MPDZ: variants seen among roughly 807,000 people sequenced by gnomAD.
MPDZ encodes multiple PDZ domain protein.
A neutral mutation model predicts 239.1 loss-of-function variants in MPDZ; 234 were observed. That is an observed-to-expected ratio of 0.98 (90% CI 0.88 to 1.09). MPDZ has a LOEUF of 1.09. Ranked by LOEUF, MPDZ falls within the 50% of genes least tolerant of loss-of-function variation. MPDZ has a pLI of 0.00. For synonymous variants in MPDZ, 1,048 were observed against 881.3 expected, an observed-to-expected ratio of 1.19 and a Z score of -3.35; for missense variants, 3,175 against 2,510.0, an observed-to-expected ratio of 1.26 and a Z score of -5.66.
chr9:13,173,161 T>C (rs1254664070), intron 21 of MPDZ, among the ~76,000 whole-genome samples: 1 of 152,158 alleles, frequency 6.6e-6, no homozygotes, highest in Non-Finnish European at 1.5e-5. Flanking sequence ...GCGTTTCAAT[T>C]GGGGAACCCA....
At chr9:13,264,977 G>A (rs1588204704) in intron 1 of MPDZ, among the ~76,000 whole-genome samples, 1 of 152,204 alleles carries the variant, frequency 6.6e-6, no homozygotes, top group Non-Finnish European at 1.5e-5. Flanking sequence ...CAAGATGCCA[G>A]GCATATTTCT....
At chr9:13,137,316 GCT>G (rs1946973462) in intron 29 of MPDZ, among the ~76,000 whole-genome samples, 1 of 152,110 alleles carries the variant, frequency 6.6e-6, no homozygotes, top group African/African-American at 2.4e-5. Context: ...CAAATGACTG[GCT>G]CAGTCATTTG....
chr9:13,157,291 G>A (rs1444114051), intron 24 of MPDZ, among the ~76,000 whole-genome samples: 1 of 152,112 alleles, frequency 6.6e-6, no homozygotes, highest in East Asian at 1.9e-4. Context: ...GAAATACCTT[G>A]TGTTCTTAAA....
At chr9:13,225,432 T>C (rs1191185752) in intron 3 of MPDZ, among the ~76,000 whole-genome samples, 2 of 151,894 alleles carry the variant, frequency 1.3e-5, no homozygotes, top group Non-Finnish European at 2.9e-5. Context: ...TAGCATACAG[T>C]ATATTGACTA....
rs1013731414 is a variant in MPDZ, at chr9:13,147,462, C to G, written c.3741+86G>C. On this transcript the variant is annotated intron_variant, in intron 26 of 46. Transcript: ENST00000319217. ...GATTTGAAAAATCACTATCTTTACT[C>G]ATACAGACAACTTGGCCCTTGATAC... The G allele has an allele frequency of 2.2e-5, 21 of 967,270 alleles. No homozygotes were observed. In the African/African-American group the frequency reaches 3.0e-4, roughly 14 times the overall value. 59.9% of individuals were successfully genotyped at this position (967,270 alleles called of 1,614,324 possible). A position where few individuals can be genotyped will look rare whatever the true frequency, so the allele number is the denominator to read the frequency against.
chr9:13,259,809 C>G (rs1970259869), intron 1 of MPDZ, among the ~76,000 whole-genome samples: 4 of 152,030 alleles, frequency 2.6e-5, no homozygotes, highest in Non-Finnish European at 5.9e-5. Context: ...GAGGGTCCTC[C>G]ATACTACTCT....
At chr9:13,207,246 T>C (rs1957107566) in intron 10 of MPDZ, among the ~76,000 whole-genome samples, 1 of 152,178 alleles carries the variant, frequency 6.6e-6, no homozygotes, top group South Asian at 2.1e-4. Context: ...CCCGGTGATC[T>C]TTCCAAAATA....
intron 1 of MPDZ, chr9:13,276,888 C>G (rs1974323319): frequency 6.6e-6 from 1 of 152,120 alleles, no homozygotes; most frequent in Non-Finnish European, 1.5e-5. Context: ...TTTTAAATCC[C>G]TTAATCTCAA....
Position 13,137,992 on chromosome 9 carries a change from C to A in MPDZ, c.4165G>T (p.Asp1389Tyr), listed in dbSNP as rs369300827. Reference sequence around the variant, plus strand: ...TCATCTGCAATTTGCAATCGACCATCTTTTCCTGCAGCTCCATTTGGATCA... The same window carrying A: ...TCATCTGCAATTTGCAATCGACCATATTTTCCTGCAGCTCCATTTGGATCA... ...GIDPNGAAGK[D>Y]GRLQIADELL... Residue 1389 changes from aspartate to tyrosine, a missense_variant, in exon 29 of 47, where the codon GAT (aspartate) becomes TAT (tyrosine). Transcript: ENST00000319217. The A allele has an allele frequency of 8.1e-6, 13 of 1,613,726 alleles. No individual in the cohort carries two copies. The highest frequency in any genetic ancestry group is 6.6e-5 in the South Asian group (6 of 91,088).
rs200504691 is a variant in MPDZ at position 13,241,599 on chromosome 9, TAAG to T, written c.183+6033_183+6035del. On this transcript the variant is annotated intron_variant, in intron 3 of 46. Transcript: ENST00000319217. Reference sequence around the variant, plus strand: ...GGTCATTTTTAGTTTGTTATTTATATAAGAAGAGAGGGAAACACAGGCACTTCT... The same window carrying T: ...GGTCATTTTTAGTTTGTTATTTATATAAGAGAGGGAAACACAGGCACTTCT... 5.5e-3 allele frequency among the ~76,000 whole-genome samples: 833 copies of T among 152,300 alleles called. 19 individuals carry two copies. Among genetic ancestry groups the T allele is most frequent in the East Asian group, 0.04 (207 of 5,174 alleles).
chr9:13,207,541 C>G (rs886816292), intron 10 of MPDZ, among the ~76,000 whole-genome samples: 1 of 152,224 alleles, frequency 6.6e-6, no homozygotes, highest in Non-Finnish European at 1.5e-5. Context: ...CATGCTCTTT[C>G]TCAATAGCTT....
At chr9:13,204,900 G>A in intron 12 of MPDZ, 136 bp downstream of exon 12, 3 of 467,144 alleles carry the variant, frequency 6.4e-6, no homozygotes, top group Non-Finnish European at 7.4e-6. Context: ...TATAAACAGG[G>A]ATTTACAAAC....
At chr9:13,149,561 AT>A (rs1025741102) in intron 25 of MPDZ, among the ~76,000 whole-genome samples, 2 of 152,078 alleles carry the variant, frequency 1.3e-5, no homozygotes, top group African/African-American at 4.8e-5. Flanking sequence ...GAAATAATTT[AT>A]CACACTGTTC....
At chr9:13,236,864 C>A (rs1964182357) in intron 3 of MPDZ, among the ~76,000 whole-genome samples, 1 of 150,218 alleles carries the variant, frequency 6.7e-6, no homozygotes, top group African/African-American at 2.5e-5. Flanking sequence ...TTTACCTCTC[C>A]CCTGAGTTTC....
chr9:13,137,417 G>C (rs112838119), intron 29 of MPDZ, among the ~76,000 whole-genome samples: 1 of 152,174 alleles, frequency 6.6e-6, no homozygotes, highest in Non-Finnish European at 1.5e-5. Context: ...ATAAAATCAT[G>C]TGGATCCCAG....
At chr9:13,270,581 A>T (rs910864123) in intron 1 of MPDZ, among the ~76,000 whole-genome samples, 2 of 151,992 alleles carry the variant, frequency 1.3e-5, no homozygotes, top group African/African-American at 4.8e-5. Context: ...AGAAAGTAAA[A>T]TATCTCAACA....
chr9:13,121,112 T>G (rs57130961), intron 38 of MPDZ, among the ~76,000 whole-genome samples: 5 of 152,270 alleles, frequency 3.3e-5, no homozygotes, highest in African/African-American at 1.2e-4. Flanking sequence ...TTGTGAATTT[T>G]TGCGCATTCA....
intron 24 of MPDZ, among the ~76,000 whole-genome samples, chr9:13,153,637 C>A (rs1318548813): frequency 6.6e-6 from 1 of 152,010 alleles, no homozygotes; most frequent in Admixed American, 6.6e-5. Context: ...CACAACTGTC[C>A]CTTCCCTGTT....
At chr9:13,155,207 A>G (rs1949674050) in intron 24 of MPDZ, among the ~76,000 whole-genome samples, 1 of 150,096 alleles carries the variant, frequency 6.7e-6, no homozygotes, top group East Asian at 2.0e-4. Context: ...ACAGAGTGAG[A>G]CTCTGTCTCA....
Sources: gnomAD v4.1 joint callset for allele counts (sites outside exome capture counted in the v4.1 genomes callset) on GRCh38, gnomAD v4.1.1 for gene constraint, MANE v1.5 for transcripts, NCBI Gene and HGNC (gene_info 2026-07-23, HGNC 2026-07-21) for gene names.